The following LPCAT3 variants were observed in gnomAD, a reference collection of about 807,000 sequenced individuals.
LPCAT3 encodes lysophosphatidylcholine acyltransferase 3, also known as lysophospholipid acyltransferase 5.
Under a neutral mutation model 63.4 loss-of-function variants are expected in LPCAT3, and 21 were observed. The ratio of observed to expected loss-of-function variants is 0.33; its 90% CI spans 0.23 to 0.48. The LOEUF (loss-of-function observed/expected upper bound fraction) is 0.48, where lower values mean the gene tolerates loss of function less well. Among genes scored for constraint, LPCAT3 ranks in the 20% least tolerant of loss-of-function variants. The pLI, the probability that LPCAT3 is intolerant of heterozygous loss-of-function variation, is 0.99. For synonymous variants in LPCAT3, 242 were observed against 227.5 expected, an observed-to-expected ratio of 1.06 and a Z score of -0.58; for missense variants, 451 against 590.6, an observed-to-expected ratio of 0.76 and a Z score of 2.45.
chr12:6,980,894 T>C (rs1555153970), intron 6 of LPCAT3, 110 bp downstream of exon 6: 2 of 1,113,566 alleles, frequency 1.8e-6, no homozygotes, highest in Non-Finnish European at 2.5e-6. Flanking sequence ...AGGGCCTGCA[T>C]GACTCAGGTC....
chr12:6,991,900 A>G (rs1286777035), intron 1 of LPCAT3, among the ~76,000 whole-genome samples: 1 of 152,156 alleles, frequency 6.6e-6, no homozygotes, highest in Non-Finnish European at 1.5e-5. Context: ...AACAAGTTTA[A>G]AAAGATGTAC....
Position 6,990,128 on chromosome 12 carries a change from C to T in LPCAT3, c.152-6589G>A, listed in dbSNP as rs7484674. Reference sequence around the variant, plus strand: ...GGGAGACAGAAGCTACAATGAGCTACGATGATGCCACTGCACTCCAGCCTG... The same window carrying T: ...GGGAGACAGAAGCTACAATGAGCTATGATGATGCCACTGCACTCCAGCCTG... On this transcript the variant is annotated intron_variant, in intron 1 of 12. Coordinates refer to ENST00000261407, the MANE Select transcript of LPCAT3 (RefSeq NM_005768.6). 1.7e-3 allele frequency among the ~76,000 whole-genome samples: 262 copies of T among 150,708 alleles called. 1 individual carries two copies. The South Asian group carries it at 0.031, about 18-fold the overall frequency.
intron 1 of LPCAT3, among the ~76,000 whole-genome samples, chr12:7,002,459 C>T (rs899363088): frequency 2.6e-5 from 4 of 152,252 alleles, no homozygotes; most frequent in Non-Finnish European, 5.9e-5. Flanking sequence ...CTCTCCAACC[C>T]CTCCAAACAC....
chr12:6,990,215 TA>T (rs1160111302), intron 1 of LPCAT3, among the ~76,000 whole-genome samples: 3 of 146,960 alleles, frequency 2.0e-5, no homozygotes, highest in Non-Finnish European at 3.0e-5. Flanking sequence ...TAAATAAAAA[TA>T]AAAAAAATAT....
At chr12:7,014,540 G>T (rs782283779) in intron 1 of LPCAT3, among the ~76,000 whole-genome samples, 7 of 152,250 alleles carry the variant, frequency 4.6e-5, no homozygotes, top group African/African-American at 1.7e-4. Context: ...ATACTCCAGT[G>T]CAGCAGTCCA....
At chr12:6,982,585 C>G in intron 3 of LPCAT3, 91 bp downstream of exon 3, 1 of 921,620 alleles carries the variant, frequency 1.1e-6, no homozygotes. Context: ...GAAATTAGGT[C>G]TGCTAATTTC....
At chr12:6,982,513 A>T (rs1174152134) in intron 3 of LPCAT3, among the ~76,000 whole-genome samples, 163 bp downstream of exon 3, 4 of 152,206 alleles carry the variant, frequency 2.6e-5, no homozygotes, top group African/African-American at 9.7e-5. Flanking sequence ...TGGATGGAAC[A>T]CTTGGGCCTG....
At chr12:6,990,932 A>G (rs1238000573) in intron 1 of LPCAT3, among the ~76,000 whole-genome samples, 2 of 150,112 alleles carry the variant, frequency 1.3e-5, no homozygotes, top group African/African-American at 4.9e-5. Flanking sequence ...AAAAAAAAAA[A>G]GGAAGAAAAT....
rs1984564 is a variant in LPCAT3, at chr12:6,981,031, A to G, written c.650T>C (p.Ile217Thr). 178,841 of 1,603,396 alleles carry G rather than the reference A, an allele frequency of 0.11. 18,849 individuals carry two copies. The highest frequency in any genetic ancestry group is 0.57 in the African/African-American group (42,220 of 74,106). ...HYMKLVQGELIDIPGKIPNSI... is the reference protein window; with the variant it reads ...HYMKLVQGELTDIPGKIPNSI... Reference sequence around the variant, plus strand: ...GTTTGGTATCTTTCCTGGTATGTCAATCAGCTCTCCCTGCACCAGCTTCAT... The same window carrying G: ...GTTTGGTATCTTTCCTGGTATGTCAGTCAGCTCTCCCTGCACCAGCTTCAT... Residue 217 changes from isoleucine (I) to threonine (T), a missense_variant, in exon 6 of 13, where the codon ATT becomes ACT. Ile to Thr is a moderately conservative substitution (Grantham distance 89, BLOSUM62 -1). Around this residue, in one of 3 missense-constraint regions of LPCAT3, gnomAD observed 304 missense variants for 390.8 expected, o/e 0.78. Coordinates refer to ENST00000261407, the MANE Select transcript of LPCAT3 (RefSeq NM_005768.6).
Position 6,992,245 on chromosome 12 carries a change from A to C in LPCAT3, c.152-8706T>G, listed in dbSNP as rs181114651. On this transcript the variant is annotated intron_variant, in intron 1 of 12. Transcript: ENST00000261407. The stretch of plus-strand genomic sequence containing the variant: ...CAGCTACTCAGGAGGCTGAGGTAGC[A>C]TCACCTGAGCCCAGGAAGTTGAGGC... 1.5e-3 allele frequency among the ~76,000 whole-genome samples: 234 copies of C among 152,178 alleles called. 2 individuals are homozygous for C. Among genetic ancestry groups the C allele is most frequent in the African/African-American group, 5.5e-3 (227 of 41,522 alleles).
chr12:6,996,418 T>G (rs1946636342), intron 1 of LPCAT3, among the ~76,000 whole-genome samples: 1 of 152,190 alleles, frequency 6.6e-6, no homozygotes, highest in Non-Finnish European at 1.5e-5. Flanking sequence ...CTTTCCTGCT[T>G]TTTCTATTTT....
rs147054268 is a variant in LPCAT3, at chr12:6,984,772, A to C, written c.152-1233T>G. ...TGGCTATTTTGTAATTTTTGTGGAC[A>C]TGAGTTCTCACTATGTTGCCCAGGC... On this transcript the variant is annotated intron_variant, in intron 1 of 12. Transcript: ENST00000261407. 8.6e-3 allele frequency among the ~76,000 whole-genome samples: 1,308 copies of C among 151,906 alleles called. 14 individuals carry two copies. Among genetic ancestry groups the C allele is most frequent in the African/African-American group, 0.03 (1,240 of 41,448 alleles).
At position 6,981,792 on chromosome 12, in the gene LPCAT3, G is replaced by C; in HGVS notation, c.460+19C>G. 1 of 1,594,290 alleles carries C rather than the reference G, an allele frequency of 6.3e-7. No homozygotes were observed. The highest frequency in any genetic ancestry group is 8.6e-7 in the Non-Finnish European group (1 of 1,162,026). On this transcript the variant is annotated intron_variant, in intron 4 of 12. Transcript: ENST00000261407. Reference sequence around the variant, plus strand: ...GAGGGACCTACATGTAAGGAAGGCAGGCAGTGACCATCACTCACCAATCAG... The same window carrying C: ...GAGGGACCTACATGTAAGGAAGGCACGCAGTGACCATCACTCACCAATCAG...
chr12:7,009,517 C>T (rs1415982713), intron 1 of LPCAT3, among the ~76,000 whole-genome samples: 1 of 152,218 alleles, frequency 6.6e-6, no homozygotes, highest in Non-Finnish European at 1.5e-5. Flanking sequence ...GTTTCTCAAT[C>T]AGTAGTTTTG....
chr12:6,996,993 C>G (rs920447825), intron 1 of LPCAT3, among the ~76,000 whole-genome samples: 4 of 147,638 alleles, frequency 2.7e-5, no homozygotes, highest in South Asian at 2.1e-4. Flanking sequence ...CAGGCAGAGT[C>G]TGAAATTGAT....
At chr12:6,978,296 G>A in intron 9 of LPCAT3, 45 bp downstream of exon 9, 2 of 1,570,570 alleles carry the variant, frequency 1.3e-6, no homozygotes, top group South Asian at 2.4e-5. Flanking sequence ...TGGGAAGACA[G>A]TGGAAGGAAG....
In LPCAT3 at chr12:7,008,381, CTG is replaced by C. The variant is rs145719549; in HGVS notation, c.151+9891_151+9892del. The stretch of plus-strand genomic sequence containing the variant: ...CACACACACTCCTATCTTAAAAACT[CTG>C]TGCTTGAGAAGAAGGATGGTTTGCT... On this transcript the variant is annotated intron_variant, in intron 1 of 12. Coordinates refer to ENST00000261407, the MANE Select transcript of LPCAT3 (RefSeq NM_005768.6). 3.1e-3 allele frequency among the ~76,000 whole-genome samples: 474 copies of C among 152,248 alleles called. 4 individuals carry two copies. The highest frequency in any genetic ancestry group is 0.011 in the African/African-American group (458 of 41,546).
At chr12:6,994,830 G>A (rs1312248830) in intron 1 of LPCAT3, among the ~76,000 whole-genome samples, 4 of 152,076 alleles carry the variant, frequency 2.6e-5, no homozygotes, top group East Asian at 1.9e-4. Flanking sequence ...CCATCTTTCC[G>A]TTTCTTTCAC....
Position 6,981,938 on chromosome 12 carries a change from C to T in LPCAT3, c.367-34G>A, listed in dbSNP as rs79256846. The T allele has an allele frequency of 3.0e-3, 3,177 of 1,054,698 alleles. 62 individuals carry two copies. In the African/African-American group the frequency reaches 0.041, roughly 13 times the overall value. 65.3% of individuals were successfully genotyped at this position (1,054,698 alleles called of 1,614,324 possible). ...GGCAGAAGTATTTATTCTAGCATCA[C>T]TACTATTTCTTCTCCTTGCTCTGAA... is the stretch of plus-strand genomic sequence containing the variant. On this transcript the variant is annotated intron_variant, in intron 3 of 12. Coordinates refer to ENST00000261407, the MANE Select transcript of LPCAT3 (RefSeq NM_005768.6).
Sources: allele counts gnomAD v4.1 joint callset (sites outside exome capture counted in the v4.1 genomes callset), GRCh38; gene constraint gnomAD v4.1.1; regional missense constraint gnomAD v4.1.1; transcripts MANE v1.5; gene names NCBI Gene and HGNC (gene_info 2026-07-23, HGNC 2026-07-21).